Variants in ARL9 observed in about 807,000 individuals in gnomAD.
ARL9 encodes the protein ARF like GTPase 9.
A neutral mutation model predicts 27.0 loss-of-function variants in ARL9; 14 were observed. The ratio of observed to expected loss-of-function variants is 0.52; its 90% CI spans 0.34 to 0.81. ARL9 has a LOEUF of 0.81. Among genes scored for constraint, ARL9 ranks in the 30% least tolerant of loss-of-function variants. ARL9 has a pLI of 0.01. For missense variants in ARL9, 294 were observed against 290.0 expected (o/e 1.01, Z -0.10); for synonymous variants, 106 against 108.7 (o/e 0.98, Z 0.15).
intron 1 of ARL9, among the ~76,000 whole-genome samples, chr4:56,510,657 G>T (rs924794981): frequency 2.5e-4 from 38 of 152,190 alleles, no homozygotes; most frequent in African/African-American, 7.2e-4. Context: ...TGATCAGGAG[G>T]TGGGGGATAG....
chr4:56,522,331 G>A (rs1387300888), intron 3 of ARL9, among the ~76,000 whole-genome samples: 1 of 151,534 alleles, frequency 6.6e-6, no homozygotes, highest in Non-Finnish European at 1.5e-5. Context: ...TGAGGCAGGG[G>A]AATCGCTTGA....
Position 56,505,968 on chromosome 4 carries a change from C to G in ARL9, c.106C>G (p.Gln36Glu). Residue 36 changes from glutamine to glutamate, a missense_variant, in exon 1 of 4, where the codon CAG becomes GAG. Transcript: ENST00000640821. ...EEKVKRKEVE[Q>E]KIKQKQEKQE... Reference sequence around the variant, plus strand: ...GAAAGTGAAAAGAAAGGAGGTGGAGCAGAAAATTAAACAAAAGCAAGAGAA... The same window carrying G: ...GAAAGTGAAAAGAAAGGAGGTGGAGGAGAAAATTAAACAAAAGCAAGAGAA... 3 of 1,196,718 alleles carry G rather than the reference C, an allele frequency of 2.5e-6. No individual in the cohort carries two copies. Among genetic ancestry groups the G allele is most frequent in the Non-Finnish European group, 3.1e-6 (3 of 957,998 alleles). 74.1% of individuals were successfully genotyped at this position (1,196,718 alleles called of 1,614,324 possible).
chr4:56,515,115 A>C (rs1471615596), intron 2 of ARL9, among the ~76,000 whole-genome samples: 1 of 152,004 alleles, frequency 6.6e-6, no homozygotes, highest in Non-Finnish European at 1.5e-5. Context: ...TTAGCCGGGC[A>C]TGGTGGCAGG....
chr4:56,513,187 C>A (rs1360996918), intron 2 of ARL9, among the ~76,000 whole-genome samples: 1 of 152,132 alleles, frequency 6.6e-6, no homozygotes, highest in Admixed American at 6.5e-5. Flanking sequence ...TGCCACAGGG[C>A]AGAGCTTCTA....
chr4:56,506,667 T>C, intron 1 of ARL9: 1 of 985,446 alleles, frequency 1.0e-6, no homozygotes, highest in Non-Finnish European at 1.2e-6. Context: ...CTGACAGGTC[T>C]TAGAAACTTG....
intron 2 of ARL9, among the ~76,000 whole-genome samples, chr4:56,517,026 T>C (rs568502982): frequency 2.6e-5 from 4 of 152,296 alleles, no homozygotes; most frequent in African/African-American, 9.6e-5. Context: ...ACCAACTTCT[T>C]TGGAAAACAA....
At chr4:56,515,088 T>C (rs1359231886) in intron 2 of ARL9, among the ~76,000 whole-genome samples, 1 of 151,918 alleles carries the variant, frequency 6.6e-6, no homozygotes, top group East Asian at 1.9e-4. Flanking sequence ...ACCCTGTCTC[T>C]ACTAAAAATA....
chr4:56,505,980 C>G lies in ARL9; in HGVS notation c.118C>G (p.Gln40Glu), dbSNP rs112278450. Reference sequence around the variant, plus strand: ...AAAGGAGGTGGAGCAGAAAATTAAACAAAAGCAAGAGAAGCAGGAGAGGAG... The same window carrying G: ...AAAGGAGGTGGAGCAGAAAATTAAAGAAAAGCAAGAGAAGCAGGAGAGGAG... The part of the protein sequence containing the change: ...KRKEVEQKIK[Q>E]KQEKQERRKG... The change falls in exon 1 of 4, where the codon CAA (glutamine) becomes GAA (glutamate). Residue 40 changes from glutamine (Q) to glutamate (E), a missense_variant. By Grantham distance (29) the Gln-to-Glu change is conservative. Transcript: ENST00000640821. 1.4e-4 allele frequency: 163 copies of G among 1,144,152 alleles called. No homozygotes were observed. The highest frequency in any genetic ancestry group is 1.6e-4 in the Non-Finnish European group (150 of 924,004). The allele number at this position is 1,144,152 out of a possible 1,614,324, so 70.9% of individuals were successfully genotyped here.
In ARL9 at chr4:56,511,251, C is replaced by G; in HGVS notation, c.346C>G (p.Leu116Val). 7 of 1,613,842 alleles carry G rather than the reference C, an allele frequency of 4.3e-6. No individual in the cohort carries two copies. The highest frequency in any genetic ancestry group is 5.9e-6 in the Non-Finnish European group (7 of 1,179,814). ...AGGAAAAACCAGTGTCCTGCACTCT[C>G]TAGCTTCAAACAGAGTCCAGCACAG... ...GAGKTSVLHS[L>V]ASNRVQHSVA... Residue 116 changes from leucine (L) to valine (V), a missense_variant, in exon 2 of 4, where the codon CTA becomes GTA. Transcript: ENST00000640821.
At chr4:56,506,794 G>GTATGTGTA (rs1560694848) in intron 1 of ARL9, 1 of 183,030 alleles carries the variant, frequency 5.5e-6, no homozygotes, top group East Asian at 2.0e-4. Flanking sequence ...AGTTGTGTGT[G>GTATGTGTA]TGTGTGTGTG....
intron 3 of ARL9, among the ~76,000 whole-genome samples, chr4:56,521,035 C>A (rs1180412198): frequency 6.6e-6 from 1 of 151,862 alleles, no homozygotes; most frequent in African/African-American, 2.4e-5. Context: ...CATGGTGAAA[C>A]CCTGTCTCTA....
chr4:56,505,593 C>T, upstream of ARL9: 1 of 594,090 alleles, frequency 1.7e-6, no homozygotes. Flanking sequence ...CTCTTGGTTT[C>T]GCTTGGCTGG....
intron 1 of ARL9, among the ~76,000 whole-genome samples, chr4:56,507,783 A>G (rs1721508063): frequency 6.6e-6 from 1 of 151,348 alleles, no homozygotes; most frequent in Non-Finnish European, 1.5e-5. Context: ...AGAACAGCCT[A>G]GCCAACATGG....
chr4:56,505,297 A>T (rs1721417671), upstream of ARL9: 1 of 423,008 alleles, frequency 2.4e-6, no homozygotes, highest in Non-Finnish European at 4.8e-6. Context: ...TACTCGGGAG[A>T]GGGCGGAGAA....
rs766467124 is a variant in ARL9 at position 56,511,227 on chromosome 4, G to A, written c.322G>A (p.Gly108Arg). 1.2e-6 allele frequency: 2 copies of A among 1,611,884 alleles called. No individual in the cohort carries two copies. Among genetic ancestry groups the A allele is most frequent in the Non-Finnish European group, 1.7e-6 (2 of 1,178,980 alleles). Residue 108 changes from glycine (G) to arginine (R), a missense_variant, in exon 2 of 4, where the codon GGA becomes AGA. Coordinates refer to ENST00000640821, the MANE Select transcript of ARL9 (RefSeq NM_001363794.2). ...QILVLGLDGA[G>R]KTSVLHSLAS... ...CCTAGTGCTGGGCCTGGATGGAGCA[G>A]GAAAAACCAGTGTCCTGCACTCTCT...
chr4:56,515,464 C>T (rs191118611), intron 2 of ARL9, among the ~76,000 whole-genome samples: 1 of 151,990 alleles, frequency 6.6e-6, no homozygotes, highest in African/African-American at 2.4e-5. Context: ...ACAGAAAGTA[C>T]TAAATGTTAG....
At chr4:56,510,789 T>C (rs78356931) in intron 1 of ARL9, among the ~76,000 whole-genome samples, 2 of 138,132 alleles carry the variant, frequency 1.4e-5, no homozygotes, top group African/African-American at 5.3e-5. Flanking sequence ...TTTTTTTTTT[T>C]GGAGACAGGG....
At chr4:56,506,727 C>A in intron 1 of ARL9, 1 of 974,640 alleles carries the variant, frequency 1.0e-6, no homozygotes, top group Non-Finnish European at 1.2e-6. Context: ...AGTTCCTGAG[C>A]TGGCTCCTTG....
intron 2 of ARL9, among the ~76,000 whole-genome samples, chr4:56,518,120 C>G (rs1277306665): frequency 6.6e-6 from 1 of 152,100 alleles, no homozygotes; most frequent in Non-Finnish European, 1.5e-5. Flanking sequence ...GATCCTCCCA[C>G]TTCAACCTCT....
Sources: gnomAD v4.1 joint callset for allele counts (sites outside exome capture counted in the v4.1 genomes callset) on GRCh38, gnomAD v4.1.1 for gene constraint, MANE v1.5 for transcripts, NCBI Gene and HGNC (gene_info 2026-07-23, HGNC 2026-07-21) for gene names.